CNBD1: variants seen among roughly 807,000 people sequenced by gnomAD.
The protein encoded by CNBD1 is cyclic nucleotide binding domain containing 1.
CNBD1 carries 71 observed loss-of-function variants against 54.4 expected under a neutral mutation model. The observed-to-expected ratio is 1.30, with a 90% CI of 1.08 to 1.59. The LOEUF (loss-of-function observed/expected upper bound fraction) is 1.59. CNBD1 is among the 40% of genes most tolerant of loss of function. CNBD1 has a pLI of 0.00. For missense variants in CNBD1, 659 were observed against 518.0 expected (o/e 1.27, Z -2.64); for synonymous variants, 182 against 170.7 (o/e 1.07, Z -0.51).
chr8:86,987,900 T>C (rs1808644030), intron 4 of CNBD1, among the ~76,000 whole-genome samples: 1 of 152,166 alleles, frequency 6.6e-6, no homozygotes, highest in East Asian at 1.9e-4. Flanking sequence ...TTTGGTTTGC[T>C]AGTATTTTGT....
At chr8:86,953,243 CAACTTAATAATTGGGTAGGAAA>C (rs942394871) in intron 4 of CNBD1, among the ~76,000 whole-genome samples, 1 of 152,110 alleles carries the variant, frequency 6.6e-6, no homozygotes, top group African/African-American at 2.4e-5. Flanking sequence ...AGAAAAGAAA[CAACTTAATAATTGGGTAGGAAA>C]AACTTAATCA....
At chr8:87,306,426 T>C (rs1809149187) in intron 8 of CNBD1, among the ~76,000 whole-genome samples, 1 of 152,152 alleles carries the variant, frequency 6.6e-6, no homozygotes, top group Non-Finnish European at 1.5e-5. Flanking sequence ...TAAGTTATTA[T>C]TCGAAAAAGA....
chr8:87,310,777 AACAGAC>A (rs946035575), intron 8 of CNBD1, among the ~76,000 whole-genome samples: 1 of 152,196 alleles, frequency 6.6e-6, no homozygotes, highest in African/African-American at 2.4e-5. Context: ...AACTGTACAA[AACAGAC>A]ACATGGACCA....
chr8:86,931,843 A>G (rs1809462959), intron 3 of CNBD1, among the ~76,000 whole-genome samples: 1 of 152,204 alleles, frequency 6.6e-6, no homozygotes, highest in Non-Finnish European at 1.5e-5. Flanking sequence ...GGCCTCCCCT[A>G]GCTGCTTGAG....
intron 2 of CNBD1, among the ~76,000 whole-genome samples, chr8:87,412,531 G>A (rs187119908): frequency 2.4e-4 from 37 of 152,086 alleles, no homozygotes; most frequent in African/African-American, 7.7e-4. Flanking sequence ...ATTATTTCCC[G>A]AATGCACATG....
intron 4 of CNBD1, among the ~76,000 whole-genome samples, chr8:87,035,305 A>G (rs912276735): frequency 6.6e-6 from 1 of 152,164 alleles, no homozygotes; most frequent in Non-Finnish European, 1.5e-5. Flanking sequence ...TACAGTGTTC[A>G]GTTGGATAGT....
chr8:87,134,594 CTTTTTTTTTTTTTTT>C (rs1167232265), intron 4 of CNBD1, among the ~76,000 whole-genome samples: 2 of 86,964 alleles, frequency 2.3e-5, no homozygotes, highest in African/African-American at 4.3e-5. Flanking sequence ...ATTAGATTAC[CTTTTTTTTTTTTTTT>C]TTTTTTTTTT....
At chr8:87,334,018 T>C (rs569081052) in intron 8 of CNBD1, among the ~76,000 whole-genome samples, 1 of 152,112 alleles carries the variant, frequency 6.6e-6, no homozygotes, top group Non-Finnish European at 1.5e-5. Flanking sequence ...GTTTCTTTGT[T>C]TTTTGGTCGG....
chr8:86,980,337 A>G (rs1377904277), intron 4 of CNBD1, among the ~76,000 whole-genome samples: 1 of 152,228 alleles, frequency 6.6e-6, no homozygotes, highest in Admixed American at 6.5e-5. Context: ...CCTCTCTGAC[A>G]TCTAATGACT....
rs1809585464 is a variant in CNBD1, at chr8:87,323,371, A to G, written c.1043-28314A>G. ...TCATTGGTAGCTTGATGGGGATGGCATTGAATCTGTAAATTACCTTGGGCA... is the reference window on the plus strand; with the variant it reads ...TCATTGGTAGCTTGATGGGGATGGCGTTGAATCTGTAAATTACCTTGGGCA... On this transcript the variant is annotated intron_variant, in intron 8 of 10. Coordinates refer to ENST00000518476, the MANE Select transcript of CNBD1 (RefSeq NM_173538.3). 1.3e-4 allele frequency among the ~76,000 whole-genome samples: 18 copies of G among 138,890 alleles called. No individual in the cohort carries two copies. In the South Asian group the frequency reaches 4.1e-3, roughly 32 times the overall value. 91.1% of individuals were successfully genotyped at this position (138,890 alleles called of 152,430 possible).
chr8:87,264,476 T>C (rs1662996807), intron 6 of CNBD1, among the ~76,000 whole-genome samples: 1 of 152,166 alleles, frequency 6.6e-6, no homozygotes, highest in South Asian at 2.1e-4. Context: ...CGTGTGTCTT[T>C]ATAGTAGCAT....
chr8:86,966,342 A>G (rs1808073987), intron 4 of CNBD1, among the ~76,000 whole-genome samples: 1 of 152,178 alleles, frequency 6.6e-6, no homozygotes. Context: ...TGTGTCCGGA[A>G]TTGGTTGCTT....
At chr8:87,312,299 C>A (rs747920334) in intron 8 of CNBD1, among the ~76,000 whole-genome samples, 1 of 152,022 alleles carries the variant, frequency 6.6e-6, no homozygotes. Context: ...CCTTTTGTAA[C>A]AATTGTGTGT....
chr8:86,943,301 C>T (rs1049577290), intron 4 of CNBD1, among the ~76,000 whole-genome samples: 12 of 139,310 alleles, frequency 8.6e-5, no homozygotes, highest in African/African-American at 2.7e-4. Flanking sequence ...ATTGCTTGAA[C>T]GCGGGAGGCG....
chr8:87,415,235 A>C (rs939772607), intron 2 of CNBD1, among the ~76,000 whole-genome samples: 1 of 152,088 alleles, frequency 6.6e-6, no homozygotes, highest in African/African-American at 2.4e-5. Flanking sequence ...CTCTGAGAGC[A>C]TATCAATTAC....
chr8:87,118,181 G>GGC (rs1196429538), intron 4 of CNBD1, among the ~76,000 whole-genome samples: 6 of 151,858 alleles, frequency 4.0e-5, no homozygotes, highest in Non-Finnish European at 7.4e-5. Flanking sequence ...CAGGCGTGGT[G>GGC]GCATGCACCT....
intron 6 of CNBD1, among the ~76,000 whole-genome samples, chr8:87,273,763 CAAAT>C (rs1029753379): frequency 1.8e-4 from 27 of 151,722 alleles, no homozygotes; most frequent in Non-Finnish European, 2.5e-4. Context: ...ATTTAATTGA[CAAAT>C]AAGTTTTTTT....
intron 4 of CNBD1, among the ~76,000 whole-genome samples, chr8:87,171,700 A>G (rs771483831): frequency 2.0e-5 from 3 of 151,584 alleles, no homozygotes; most frequent in African/African-American, 4.9e-5. Flanking sequence ...GTGCAGTGAC[A>G]TGATCTCAGC....
chr8:87,071,001 A>C (rs1422232347), intron 4 of CNBD1, among the ~76,000 whole-genome samples: 1 of 151,974 alleles, frequency 6.6e-6, no homozygotes, highest in Non-Finnish European at 1.5e-5. Flanking sequence ...ATTCTCTTCA[A>C]TTGTTGATTA....
Sources: gnomAD v4.1 joint callset for allele counts (sites outside exome capture counted in the v4.1 genomes callset) on GRCh38, gnomAD v4.1.1 for gene constraint, MANE v1.5 for transcripts, NCBI Gene and HGNC (gene_info 2026-07-23, HGNC 2026-07-21) for gene names.